Variants in SLC1A7 observed in about 807,000 individuals in gnomAD.
SLC1A7 encodes solute carrier family 1 member 7.
Under a neutral mutation model 47.7 loss-of-function variants are expected in SLC1A7, and 40 were observed. The ratio of observed to expected loss-of-function variants is 0.84; its 90% CI spans 0.65 to 1.09. The LOEUF is 1.09. Ranked by LOEUF, SLC1A7 falls within the 50% of genes least tolerant of loss-of-function variation. SLC1A7 has a pLI of 0.00. For synonymous variants in SLC1A7, 323 were observed against 325.6 expected (o/e 0.99, Z 0.09); for missense variants, 746 against 769.5 (o/e 0.97, Z 0.36).
At chr1:53,126,496 G>A (rs1450142818) in intron 2 of SLC1A7, among the ~76,000 whole-genome samples, 1 of 152,196 alleles carries the variant, frequency 6.6e-6, no homozygotes, top group Non-Finnish European at 1.5e-5. Context: ...ATAACTAAAT[G>A]TACCCACCAG....
At chr1:53,111,608 C>T (rs550984073) in intron 3 of SLC1A7, among the ~76,000 whole-genome samples, 2 of 152,150 alleles carry the variant, frequency 1.3e-5, no homozygotes, top group African/African-American at 4.8e-5. Context: ...GAACTGGCTG[C>T]AGGGTATGAG....
intron 2 of SLC1A7, among the ~76,000 whole-genome samples, chr1:53,131,449 C>T (rs2150343974): frequency 6.6e-6 from 1 of 152,348 alleles, no homozygotes; most frequent in Non-Finnish European, 1.5e-5. Context: ...GGGCAATGCC[C>T]AGGCAGTTAG....
At chr1:53,140,434 TGCCTGACACAGG>T (rs1473824662) in intron 1 of SLC1A7, among the ~76,000 whole-genome samples, 3 of 151,910 alleles carry the variant, frequency 2.0e-5, no homozygotes, top group African/African-American at 7.3e-5. Flanking sequence ...GTTCTCTCTG[TGCCTGACACAGG>T]GCTAGGCTCA....
chr1:53,127,483 G>A (rs1644895528), intron 2 of SLC1A7, among the ~76,000 whole-genome samples: 1 of 152,220 alleles, frequency 6.6e-6, no homozygotes, highest in South Asian at 2.1e-4. Flanking sequence ...GAGGAAGAGA[G>A]AAGGAAGGTT....
chr1:53,138,061 T>C (rs1645018904), intron 1 of SLC1A7, among the ~76,000 whole-genome samples: 1 of 152,222 alleles, frequency 6.6e-6, no homozygotes, highest in Non-Finnish European at 1.5e-5. Flanking sequence ...CCTTTACCTC[T>C]GATATTAGCC....
At chr1:53,108,541 G>A (rs1644669276) in intron 3 of SLC1A7, 1 of 717,648 alleles carries the variant, frequency 1.4e-6, no homozygotes, top group Non-Finnish European at 2.6e-6. Context: ...GAGGTGAGTG[G>A]AAGTCGTTGG....
At chr1:53,098,667 C>T (rs1191034018) in intron 5 of SLC1A7, among the ~76,000 whole-genome samples, 1 of 151,086 alleles carries the variant, frequency 6.6e-6, no homozygotes, top group Non-Finnish European at 1.5e-5. Flanking sequence ...ACTCACTCTG[C>T]CTGAGTACAC....
intron 4 of SLC1A7, 61 bp downstream of exon 4, chr1:53,105,671 G>GCTGCCTGCCCTC: frequency 7.7e-7 from 1 of 1,299,590 alleles, no homozygotes; most frequent in Non-Finnish European, 1.1e-6. Context: ...CACTAGCCCT[G>GCTGCCTGCCCTC]CTGCCTGCCC....
At chr1:53,136,780 C>A (rs1645005067) in intron 1 of SLC1A7, among the ~76,000 whole-genome samples, 1 of 150,536 alleles carries the variant, frequency 6.6e-6, no homozygotes, top group South Asian at 2.1e-4. Context: ...AATCTTCACA[C>A]CTCAGGCTCC....
intron 3 of SLC1A7, 66 bp from the exon 4 acceptor site, chr1:53,105,840 C>T (rs910726370): frequency 1.5e-6 from 2 of 1,359,408 alleles, no homozygotes; most frequent in Non-Finnish European, 1.1e-6. Context: ...GGGGTTGTGG[C>T]CTTGGGGTCA....
chr1:53,098,890 A>G (rs2150320721), intron 5 of SLC1A7, among the ~76,000 whole-genome samples: 1 of 149,774 alleles, frequency 6.7e-6, no homozygotes, highest in African/African-American at 2.5e-5. Flanking sequence ...GCCTCGGTAC[A>G]CCCACACCAC....
At chr1:53,125,163 A>AG (rs928195895) in intron 2 of SLC1A7, among the ~76,000 whole-genome samples, 20 of 152,224 alleles carry the variant, frequency 1.3e-4, no homozygotes, top group Non-Finnish European at 2.2e-4. Flanking sequence ...AAACCATGGG[A>AG]GGGGGGCCCC....
In SLC1A7 at chr1:53,114,868, G is replaced by A. The variant is rs757457107; in HGVS notation, c.321C>T (p.Gly107=). 2 of 1,614,054 alleles carry A rather than the reference G, an allele frequency of 1.2e-6. No individual in the cohort carries two copies. Among genetic ancestry groups the A allele is most frequent in the Admixed American group, 1.7e-5 (1 of 60,010 alleles). ...GGTGGATGATGGAGACCATGAAGAT[G>A]CCCACGATGACAGCCATGAAGGTGG... ...LWTTFMAVIV[G]IFMVSIIHPG... The change falls in exon 3 of 11, where the codon GGC becomes GGT. Residue 107 remains glycine (G), a synonymous_variant. Transcript: ENST00000371494.
At chr1:53,090,964 G>A in intron 7 of SLC1A7, 158 bp from the exon 8 acceptor site, 2 of 1,510,404 alleles carry the variant, frequency 1.3e-6, no homozygotes, top group South Asian at 1.3e-5. Flanking sequence ...GGGCACTGCA[G>A]TGCTCTCACT....
chr1:53,109,225 A>G (rs1471053786), intron 3 of SLC1A7, among the ~76,000 whole-genome samples: 2 of 151,736 alleles, frequency 1.3e-5, no homozygotes, highest in Admixed American at 1.3e-4. Context: ...ACCAAGCCCT[A>G]AAGGTGGGAA....
In SLC1A7 at chr1:53,115,341, T is replaced by C. The variant is rs1205574995; in HGVS notation, c.216-368A>G. On this transcript the variant is annotated intron_variant, in intron 2 of 10. Transcript: ENST00000371494. ...CCATGCTTGGTGTCCTCTCAGAAGCTTCCTTCACTCTCCTGACCCCTGCCC... is the reference window on the plus strand; with the variant it reads ...CCATGCTTGGTGTCCTCTCAGAAGCCTCCTTCACTCTCCTGACCCCTGCCC... The C allele has an allele frequency of 1.0e-5, 3 of 288,442 alleles. No homozygotes were observed. The Admixed American group carries it at 1.3e-4, about 13-fold the overall frequency. The allele number at this position is 288,442 out of a possible 1,614,324, so 17.9% of individuals were successfully genotyped here.
intron 5 of SLC1A7, among the ~76,000 whole-genome samples, chr1:53,097,130 T>C (rs36059117): frequency 0.25 from 31,878 of 125,806 alleles, 3,509 homozygotes; most frequent in Middle Eastern, 0.44. Flanking sequence ...TCAGTACACC[T>C]ACACGCCCCG....
At chr1:53,089,649 G>T in intron 9 of SLC1A7, 151 bp downstream of exon 9, 1 of 766,990 alleles carries the variant, frequency 1.3e-6, no homozygotes, top group Admixed American at 2.6e-5. Context: ...AGCCAGGCCT[G>T]TGCTAATGAG....
Position 53,090,811 on chromosome 1 carries a change from G to C in SLC1A7, c.1032-5C>G, listed in dbSNP as rs1005008943. 5 of 1,606,618 alleles carry C rather than the reference G, an allele frequency of 3.1e-6. No individual in the cohort carries two copies. In the South Asian group the frequency reaches 3.3e-5, roughly 11 times the overall value. On this transcript the variant is annotated splice_region_variant and splice_polypyrimidine_tract_variant and intron_variant, in intron 7 of 10. Transcript: ENST00000371494. The stretch of plus-strand genomic sequence containing the variant: ...GTGATGGGCAGTGTGGCTGAGCTAC[G>C]GTTAGAGGGGCCGGTGTCTGCCCAG...
Sources: allele counts gnomAD v4.1 joint callset (sites outside exome capture counted in the v4.1 genomes callset), GRCh38; gene constraint gnomAD v4.1.1; transcripts MANE v1.5; gene names NCBI Gene and HGNC (gene_info 2026-07-23, HGNC 2026-07-21).